The following SYCE3 variants were observed in gnomAD, a reference collection of about 807,000 sequenced individuals.
The protein encoded by SYCE3 is synaptonemal complex central element protein 3, also known as testis highly expressed gene 2 protein.
A neutral mutation model predicts 8.1 loss-of-function variants in SYCE3; 3 were observed. That is an observed-to-expected ratio of 0.37 (90% CI 0.17 to 0.96). The LOEUF (loss-of-function observed/expected upper bound fraction) is 0.96, where lower values mean the gene tolerates loss of function less well. Among genes scored for constraint, SYCE3 ranks in the 40% least tolerant of loss-of-function variants. The pLI is 0.41. For missense variants in SYCE3, 83 were observed against 110.0 expected (o/e 0.75, Z 1.10); for synonymous variants, 36 against 38.7 (o/e 0.93, Z 0.26).
At chr22:50,558,575 T>C (rs534926957) in intron 1 of SYCE3, among the ~76,000 whole-genome samples, 36 of 152,132 alleles carry the variant, frequency 2.4e-4, no homozygotes, top group Admixed American at 1.4e-3. Flanking sequence ...TCAGGGTGTA[T>C]GGTCTTTCGG....
chr22:50,554,300 T>G (rs991579410), intron 2 of SYCE3, among the ~76,000 whole-genome samples: 1 of 151,882 alleles, frequency 6.6e-6, no homozygotes, highest in African/African-American at 2.4e-5. Context: ...AAAATACAAC[T>G]AAATATTTCA....
chr22:50,551,267 T>C lies in SYCE3; in HGVS notation c.245A>G (p.His82Arg). ...EMEKNWQELL[H>R]ETKQRL is the part of the protein sequence containing the mutation. Reference sequence around the variant, plus strand: ...GGCCTACAGCCTTTGCTTGGTCTCATGCAGCAGCTCTTGCCAGTTCTTCTC... The same window carrying C: ...GGCCTACAGCCTTTGCTTGGTCTCACGCAGCAGCTCTTGCCAGTTCTTCTC... Residue 82 changes from histidine (H) to arginine (R), a missense_variant, in exon 3 of 3, where the codon CAT becomes CGT. By Grantham distance (29) the His-to-Arg change is conservative. Transcript: ENST00000406915. 6.4e-7 allele frequency: 1 copy of C among 1,551,444 alleles called. No homozygotes were observed. Among genetic ancestry groups the C allele is most frequent in the Non-Finnish European group, 8.7e-7 (1 of 1,146,964 alleles).
At chr22:50,560,682 G>A (rs1305301243) in intron 1 of SYCE3, among the ~76,000 whole-genome samples, 1 of 152,030 alleles carries the variant, frequency 6.6e-6, no homozygotes, top group East Asian at 1.9e-4. Context: ...TTTGTTTTTT[G>A]AATTCTTCGT....
At chr22:50,555,045 C>T (rs1190022451) in intron 2 of SYCE3, among the ~76,000 whole-genome samples, 1 of 151,914 alleles carries the variant, frequency 6.6e-6, no homozygotes, top group Non-Finnish European at 1.5e-5. Context: ...TGGCATGAAC[C>T]CGGGAGGCGG....
intron 1 of SYCE3, among the ~76,000 whole-genome samples, chr22:50,560,954 T>C (rs965815638): frequency 6.6e-6 from 1 of 152,176 alleles, no homozygotes; most frequent in African/African-American, 2.4e-5. Context: ...CAGACATTCT[T>C]GGTTTGAGGA....
chr22:50,556,230 T>A (rs1289864621), intron 2 of SYCE3, 67 bp downstream of exon 2: 1 of 1,211,586 alleles, frequency 8.3e-7, no homozygotes, highest in Non-Finnish European at 1.2e-6. Flanking sequence ...ATCTTTAACC[T>A]TGGCAAAATA....
chr22:50,551,482 C>T, intron 2 of SYCE3, 80 bp from the exon 3 acceptor site: 1 of 1,422,922 alleles, frequency 7.0e-7, no homozygotes, highest in Non-Finnish European at 9.4e-7. Context: ...CAGATGCCTC[C>T]AGCTGGGCTC....
intron 1 of SYCE3, among the ~76,000 whole-genome samples, chr22:50,562,572 C>CGGGGTGA (rs1471486266): frequency 4.0e-5 from 1 of 25,076 alleles, no homozygotes; most frequent in African/African-American, 2.0e-4. Flanking sequence ...AGGGGTGAGG[C>CGGGGTGA]GGGGTGAGGG....
chr22:50,556,480 G>C (rs1264291764), intron 1 of SYCE3, 75 bp from the exon 2 acceptor site: 2 of 1,023,030 alleles, frequency 2.0e-6, no homozygotes, highest in Non-Finnish European at 2.9e-6. Context: ...TTATAACTCA[G>C]TGATTTCTCT....
intron 1 of SYCE3, among the ~76,000 whole-genome samples, chr22:50,562,212 A>G (rs183960120): frequency 2.8e-3 from 4 of 1,434 alleles, no homozygotes; most frequent in South Asian, 0.013. Flanking sequence ...AGGCGGGTGA[A>G]CGGTGACGTG....
At chr22:50,561,922 C>T (rs2069922965) in intron 1 of SYCE3, among the ~76,000 whole-genome samples, 1 of 145,208 alleles carries the variant, frequency 6.9e-6, no homozygotes, top group Admixed American at 7.0e-5. Flanking sequence ...CTCCGGGGTC[C>T]CAGGTGTGGC....
chr22:50,556,962 A>G (rs2069865751), intron 1 of SYCE3, among the ~76,000 whole-genome samples: 1 of 152,120 alleles, frequency 6.6e-6, no homozygotes, highest in Non-Finnish European at 1.5e-5. Flanking sequence ...GAAATGATTC[A>G]TACATTAAAA....
chr22:50,552,378 T>C (rs6520150), intron 2 of SYCE3, among the ~76,000 whole-genome samples: 20,542 of 151,958 alleles, frequency 0.14, 1,988 homozygotes, highest in African/African-American at 0.27. Context: ...CTCGGCCGGG[T>C]GCGGTGGCTC....
At chr22:50,557,028 G>A (rs566013769) in intron 1 of SYCE3, among the ~76,000 whole-genome samples, 1 of 152,258 alleles carries the variant, frequency 6.6e-6, no homozygotes, top group South Asian at 2.1e-4. Flanking sequence ...TAGAGGCAGT[G>A]CCCCATAGAG....
Position 50,551,263 on chromosome 22 carries a change from C to T in SYCE3, c.249G>A (p.Glu83=). The T allele has an allele frequency of 3.9e-6, 6 of 1,551,416 alleles. No individual in the cohort carries two copies. The highest frequency in any genetic ancestry group is 5.2e-6 in the Non-Finnish European group (6 of 1,146,962). ...GTGGGGCCTACAGCCTTTGCTTGGT[C>T]TCATGCAGCAGCTCTTGCCAGTTCT... ...MEKNWQELLH[E]TKQRL is the part of the protein sequence containing the mutation. Residue 83 remains glutamate (E), a synonymous_variant, in exon 3 of 3, where the codon GAG becomes GAA. Transcript: ENST00000406915.
intron 2 of SYCE3, among the ~76,000 whole-genome samples, chr22:50,555,126 T>TAAATAAATAAATAATAATTTAA (rs1555890409): frequency 1.3e-5 from 2 of 149,700 alleles, no homozygotes; most frequent in Non-Finnish European, 3.0e-5. Context: ...TGTCTTAAAA[T>TAAATAAATAAATAATAATTTAA]AAATAAATAA....
At chr22:50,560,687 C>A (rs1337836882) in intron 1 of SYCE3, among the ~76,000 whole-genome samples, 2 of 152,050 alleles carry the variant, frequency 1.3e-5, no homozygotes, top group Non-Finnish European at 2.9e-5. Flanking sequence ...TTTTTGAATT[C>A]TTCGTTTCTA....
intron 1 of SYCE3, among the ~76,000 whole-genome samples, chr22:50,560,769 G>T (rs2146599357): frequency 6.6e-6 from 1 of 152,272 alleles, no homozygotes; most frequent in African/African-American, 2.4e-5. Context: ...ATGGTGCAGG[G>T]ACTGGTCTCA....
chr22:50,555,122 AAAAT>A (rs1049151083), intron 2 of SYCE3, among the ~76,000 whole-genome samples: 1 of 11,406 alleles, frequency 8.8e-5, no homozygotes, highest in Non-Finnish European at 1.3e-4. Flanking sequence ...ACTCTGTCTT[AAAAT>A]AAATAAATAA....
Sources: allele counts gnomAD v4.1 joint callset (sites outside exome capture counted in the v4.1 genomes callset), GRCh38; gene constraint gnomAD v4.1.1; transcripts MANE v1.5; gene names NCBI Gene and HGNC (gene_info 2026-07-23, HGNC 2026-07-21).